C1QTNF3: variants seen among roughly 807,000 people sequenced by gnomAD.
The protein encoded by C1QTNF3 is C1q and TNF related 3.
C1QTNF3 carries 26 observed loss-of-function variants against 32.6 expected under a neutral mutation model. The ratio of observed to expected loss-of-function variants is 0.80; its 90% CI spans 0.58 to 1.11. The LOEUF (loss-of-function observed/expected upper bound fraction) is 1.11, where lower values mean the gene tolerates loss of function less well. Among genes scored for constraint, C1QTNF3 ranks in the 50% least tolerant of loss-of-function variants. C1QTNF3 has a pLI of 0.00. For missense variants in C1QTNF3, 362 were observed against 398.2 expected, an observed-to-expected ratio of 0.91 and a Z score of 0.77; for synonymous variants, 155 against 146.0, an observed-to-expected ratio of 1.06 and a Z score of -0.44.
At chr5:34,211,755 T>C in the C1QTNF3 span, among the ~76,000 whole-genome samples, 1 of 151,978 alleles carries the variant, frequency 6.6e-6, no homozygotes, top group Non-Finnish European at 1.5e-5. Flanking sequence ...TATTCCATGG[T>C]GTATATGTGC....
chr5:34,179,323 T>C, the C1QTNF3 span, among the ~76,000 whole-genome samples: 3 of 152,146 alleles, frequency 2.0e-5, no homozygotes, highest in African/African-American at 7.3e-5. Context: ...TTCTACTAAA[T>C]ATACAAAAAT....
the C1QTNF3 span, among the ~76,000 whole-genome samples, chr5:34,101,184 C>T: frequency 6.6e-6 from 1 of 150,482 alleles, no homozygotes; most frequent in Non-Finnish European, 1.5e-5. Flanking sequence ...TATAATTAGT[C>T]AATATATCAA....
At chr5:34,138,440 G>A in the C1QTNF3 span, among the ~76,000 whole-genome samples, 1 of 151,804 alleles carries the variant, frequency 6.6e-6, no homozygotes, top group Non-Finnish European at 1.5e-5. Flanking sequence ...CGACTATATT[G>A]TAACTTTTTC....
the C1QTNF3 span, among the ~76,000 whole-genome samples, chr5:34,163,322 G>A: frequency 3.3e-5 from 5 of 151,940 alleles, no homozygotes; most frequent in Middle Eastern, 3.2e-3. Context: ...GCATGTACCC[G>A]CAAACCTAAA....
the C1QTNF3 span, among the ~76,000 whole-genome samples, chr5:34,115,466 C>T: frequency 1.2e-4 from 19 of 152,164 alleles, no homozygotes; most frequent in African/African-American, 4.3e-4. Flanking sequence ...CACGGTGGCT[C>T]ATGCCTGTAA....
the C1QTNF3 span, among the ~76,000 whole-genome samples, chr5:34,064,618 G>T: frequency 6.6e-6 from 1 of 152,198 alleles, no homozygotes; most frequent in African/African-American, 2.4e-5. Context: ...CAGGAGTGCA[G>T]CGGACACACT....
At chr5:34,138,018 G>C in the C1QTNF3 span, among the ~76,000 whole-genome samples, 1 of 152,158 alleles carries the variant, frequency 6.6e-6, no homozygotes, top group Non-Finnish European at 1.5e-5. Flanking sequence ...AAGAGATTAA[G>C]ACAGACAGAG....
the C1QTNF3 span, among the ~76,000 whole-genome samples, chr5:34,145,835 C>A: frequency 6.6e-6 from 1 of 151,824 alleles, no homozygotes; most frequent in East Asian, 1.9e-4. Context: ...TCCTGCGATG[C>A]AAAGTTGTTT....
At chr5:34,233,664 A>T in the C1QTNF3 span, among the ~76,000 whole-genome samples, 2 of 151,794 alleles carry the variant, frequency 1.3e-5, no homozygotes, top group African/African-American at 4.8e-5. Context: ...TACCAGATAA[A>T]GTTAACATAT....
chr5:34,127,565 C>T, the C1QTNF3 span, among the ~76,000 whole-genome samples: 1 of 151,668 alleles, frequency 6.6e-6, no homozygotes, highest in African/African-American at 2.4e-5. Flanking sequence ...CAAGATTTGA[C>T]CTGGTGGTTT....
At chr5:34,163,483 T>TTC in the C1QTNF3 span, among the ~76,000 whole-genome samples, 2 of 151,670 alleles carry the variant, frequency 1.3e-5, no homozygotes, top group Non-Finnish European at 2.9e-5. Flanking sequence ...TATGATTGAT[T>TTC]ATTTTAATTA....
At chr5:34,232,764 C>T in the C1QTNF3 span, among the ~76,000 whole-genome samples, 167 of 152,248 alleles carry the variant, frequency 1.1e-3, 1 homozygote, top group East Asian at 0.031. Context: ...ATTACTCAGT[C>T]TCAAGTCATT....
the C1QTNF3 span, among the ~76,000 whole-genome samples, chr5:34,171,811 T>C: frequency 6.6e-6 from 1 of 152,190 alleles, no homozygotes; most frequent in Non-Finnish European, 1.5e-5. Context: ...GCCTAATAGT[T>C]ACATGATTGA....
chr5:34,099,588 G>C, the C1QTNF3 span, among the ~76,000 whole-genome samples: 1 of 148,556 alleles, frequency 6.7e-6, no homozygotes, highest in Non-Finnish European at 1.5e-5. Flanking sequence ...CTTGAGCAGG[G>C]CTCTGGAGTA....
At chr5:34,203,288 TAAAA>T in the C1QTNF3 span, among the ~76,000 whole-genome samples, 2 of 151,990 alleles carry the variant, frequency 1.3e-5, no homozygotes, top group African/African-American at 4.8e-5. Flanking sequence ...AAAGAACTTA[TAAAA>T]CAAGTAGAAA....
At chr5:34,032,608 C>T (rs111255448) in intron 3 of C1QTNF3, among the ~76,000 whole-genome samples, 37,474 of 151,988 alleles carry the variant, frequency 0.25, 5,109 homozygotes, top group South Asian at 0.47. Flanking sequence ...ACCAGCCTGG[C>T]CACCATGGCA....
chr5:34,173,356 A>G, the C1QTNF3 span, among the ~76,000 whole-genome samples: 3 of 150,242 alleles, frequency 2.0e-5, no homozygotes, highest in Non-Finnish European at 4.4e-5. Flanking sequence ...AAACACTGAA[A>G]TTACAAATAT....
chr5:34,161,021 C>T, the C1QTNF3 span, among the ~76,000 whole-genome samples: 1 of 152,110 alleles, frequency 6.6e-6, no homozygotes, highest in Non-Finnish European at 1.5e-5. Context: ...CATATGCATA[C>T]ATTTTATTGG....
the C1QTNF3 span, among the ~76,000 whole-genome samples, chr5:34,125,153 T>A: frequency 2.0e-5 from 3 of 152,104 alleles, no homozygotes; most frequent in African/African-American, 7.2e-5. Flanking sequence ...GGGTGATGAG[T>A]GGGTTGGCCA....
Sources: gnomAD v4.1 joint callset for allele counts (sites outside exome capture counted in the v4.1 genomes callset) on GRCh38, gnomAD v4.1.1 for gene constraint, MANE v1.5 for transcripts, NCBI Gene and HGNC (gene_info 2026-07-23, HGNC 2026-07-21) for gene names.